The following OTOGL variants were observed in gnomAD, a reference collection of about 807,000 sequenced individuals.
OTOGL encodes otogelin like, also known as otogelin-like protein.
In OTOGL, 285 loss-of-function variants were observed where a neutral mutation model predicts 318.5. The observed-to-expected ratio is 0.89, with a 90% CI of 0.81 to 0.99. OTOGL has a LOEUF of 0.99. OTOGL is among the 50% of genes least tolerant of loss of function. The pLI is 0.00. For synonymous variants in OTOGL, 987 were observed against 936.5 expected, an observed-to-expected ratio of 1.05 and a Z score of -0.99; for missense variants, 2,899 against 2,845.6, an observed-to-expected ratio of 1.02 and a Z score of -0.43.
intron 52 of OTOGL, among the ~76,000 whole-genome samples, chr12:80,360,720 T>C (rs1257291881): frequency 1.3e-5 from 2 of 152,024 alleles, no homozygotes; most frequent in Non-Finnish European, 2.9e-5. Flanking sequence ...TACCTCGTGA[T>C]CTGCTCGCCT....
chr12:80,201,187 G>A (rs1226744958), intron 1 of OTOGL, among the ~76,000 whole-genome samples: 1 of 152,174 alleles, frequency 6.6e-6, no homozygotes, highest in African/African-American at 2.4e-5. Flanking sequence ...CCTCTTTGAG[G>A]TTGTTTCTGG....
At chr12:80,313,730 G>A in intron 31 of OTOGL, 98 bp downstream of exon 31, 1 of 1,040,502 alleles carries the variant, frequency 9.6e-7, no homozygotes, top group South Asian at 2.3e-5. Context: ...GAGACTCATG[G>A]GAATAGAATT....
At chr12:80,306,883 A>G (rs2137759101) in intron 29 of OTOGL, among the ~76,000 whole-genome samples, 1 of 150,614 alleles carries the variant, frequency 6.6e-6, no homozygotes, top group South Asian at 2.1e-4. Flanking sequence ...ACAGGACAAT[A>G]GTGGAGGGAA....
At chr12:80,156,518 G>A (rs1257621545) in intron 1 of OTOGL, among the ~76,000 whole-genome samples, 1 of 152,186 alleles carries the variant, frequency 6.6e-6, no homozygotes, top group Admixed American at 6.5e-5. Context: ...CCCCCATACA[G>A]GTCTCATCTT....
At chr12:80,294,391 C>T (rs1224892796) in intron 26 of OTOGL, among the ~76,000 whole-genome samples, 1 of 152,094 alleles carries the variant, frequency 6.6e-6, no homozygotes, top group Admixed American at 6.6e-5. Context: ...GCCTTTCAAT[C>T]AGCTTTTCAC....
At chr12:80,115,229 T>A (rs7957533) in intron 1 of OTOGL, among the ~76,000 whole-genome samples, 84,677 of 151,724 alleles carry the variant, frequency 0.56, 23,812 homozygotes, top group Middle Eastern at 0.59. Context: ...ATCTTCGTGG[T>A]TTTATCTACC....
intron 49 of OTOGL, among the ~76,000 whole-genome samples, chr12:80,357,672 A>AT (rs1566012334): frequency 1.3e-5 from 2 of 151,994 alleles, no homozygotes; most frequent in Non-Finnish European, 2.9e-5. Flanking sequence ...AGCCAACTTT[A>AT]TTTTTTTCTT....
At chr12:80,102,090 AAACTC>A (rs1477673414) in intron 1 of OTOGL, among the ~76,000 whole-genome samples, 1 of 152,220 alleles carries the variant, frequency 6.6e-6, no homozygotes, top group Non-Finnish European at 1.5e-5. Context: ...AAATCCACTC[AAACTC>A]AATACAAGTA....
At chr12:80,282,224 GCATTTTTTTCT>G (rs1884285596) in intron 26 of OTOGL, among the ~76,000 whole-genome samples, 4 of 151,742 alleles carry the variant, frequency 2.6e-5, no homozygotes, top group African/African-American at 9.7e-5. Context: ...TATGATTAAT[GCATTTTTTTCT>G]GGATGTGACT....
intron 49 of OTOGL, 35 bp downstream of exon 49, chr12:80,356,949 GA>G: frequency 1.5e-6 from 2 of 1,353,782 alleles, no homozygotes; most frequent in South Asian, 1.5e-5. Context: ...TGGAAGAAGA[GA>G]AAGGATCTAG....
intron 46 of OTOGL, 118 bp downstream of exon 46, chr12:80,353,628 G>A: frequency 1.2e-6 from 1 of 825,848 alleles, no homozygotes. Context: ...TGTTGGAAAG[G>A]AAATGAGTTT....
Position 80,231,653 on chromosome 12 carries a change from T to G in OTOGL, c.612-1239T>G, listed in dbSNP as rs111460051. On this transcript the variant is annotated intron_variant, in intron 8 of 58. Coordinates refer to ENST00000547103, the MANE Select transcript of OTOGL (RefSeq NM_001378609.3). ...AAAATATTTTTATTTTTATTATTTT[T>G]AAACAGAGTCTCACTCTGTTGCCCA... is the stretch of plus-strand genomic sequence containing the variant. 7.3e-3 allele frequency among the ~76,000 whole-genome samples: 1,118 copies of G among 152,210 alleles called. 16 individuals are homozygous for G. Among genetic ancestry groups the G allele is most frequent in the African/African-American group, 0.025 (1,030 of 41,534 alleles).
chr12:80,291,409 A>G (rs1459210465), intron 26 of OTOGL, among the ~76,000 whole-genome samples: 1 of 152,204 alleles, frequency 6.6e-6, no homozygotes, highest in Non-Finnish European at 1.5e-5. Flanking sequence ...GCTTTGTTGT[A>G]ACTTTTTCAT....
intron 17 of OTOGL, among the ~76,000 whole-genome samples, chr12:80,257,530 A>G (rs1422948090): frequency 6.6e-6 from 1 of 152,114 alleles, no homozygotes; most frequent in Non-Finnish European, 1.5e-5. Context: ...TCAAATGTCT[A>G]AGGACTTCCT....
At chr12:80,171,720 T>A (rs1212502435) in intron 1 of OTOGL, among the ~76,000 whole-genome samples, 1 of 152,146 alleles carries the variant, frequency 6.6e-6, no homozygotes, top group South Asian at 2.1e-4. Flanking sequence ...TTATTGGGAG[T>A]TGATTAAATC....
intron 1 of OTOGL, among the ~76,000 whole-genome samples, chr12:80,116,280 A>G (rs2137089588): frequency 6.6e-6 from 1 of 152,064 alleles, no homozygotes; most frequent in Non-Finnish European, 1.5e-5. Flanking sequence ...ACAGTCCCTC[A>G]CAGTTTCCCT....
At chr12:80,238,718 C>A in intron 9 of OTOGL, 133 bp from the exon 10 acceptor site, 1 of 1,108,352 alleles carries the variant, frequency 9.0e-7, no homozygotes, top group Non-Finnish European at 1.2e-6. Flanking sequence ...TCTAATATCA[C>A]ATTGGTAATT....
At chr12:80,190,871 A>C (rs73150342) in intron 1 of OTOGL, among the ~76,000 whole-genome samples, 21 of 151,782 alleles carry the variant, frequency 1.4e-4, no homozygotes, top group Non-Finnish European at 2.9e-4. Flanking sequence ...CTTTTTAAAA[A>C]TAGTTCTTCC....
chr12:80,325,388 A>G (rs1377282576), intron 35 of OTOGL, among the ~76,000 whole-genome samples: 1 of 152,224 alleles, frequency 6.6e-6, no homozygotes, highest in East Asian at 1.9e-4. Flanking sequence ...CAGCTAACAC[A>G]TTTAAGTATT....
Sources: allele counts gnomAD v4.1 joint callset (sites outside exome capture counted in the v4.1 genomes callset), GRCh38; gene constraint gnomAD v4.1.1; transcripts MANE v1.5; gene names NCBI Gene and HGNC (gene_info 2026-07-23, HGNC 2026-07-21).